Variants in UNC13C observed in about 807,000 individuals in gnomAD.
UNC13C encodes protein unc-13 homolog C.
In UNC13C, 174 loss-of-function variants were observed where a neutral mutation model predicts 245.4. That is an observed-to-expected ratio of 0.71 (90% CI 0.63 to 0.80). The LOEUF is 0.80. Ranked by LOEUF, UNC13C falls within the 30% of genes least tolerant of loss-of-function variation. UNC13C has a pLI of 0.00. For missense variants in UNC13C, 2,829 were observed against 2,602.9 expected (o/e 1.09, Z -1.89); for synonymous variants, 992 against 895.1 (o/e 1.11, Z -1.93).
chr15:54,175,268 G>T (rs2033567413), intron 4 of UNC13C, among the ~76,000 whole-genome samples: 1 of 152,022 alleles, frequency 6.6e-6, no homozygotes. Flanking sequence ...TACCCAGACC[G>T]ATGTTTGATA....
the UNC13C span, among the ~76,000 whole-genome samples, chr15:53,858,194 A>G: frequency 1.3e-5 from 2 of 152,184 alleles, no homozygotes; most frequent in South Asian, 4.1e-4. Context: ...CTAGCATTCC[A>G]TCAATTGGAA....
intron 2 of UNC13C, among the ~76,000 whole-genome samples, chr15:54,017,111 C>T (rs1325368532): frequency 6.6e-6 from 1 of 152,096 alleles, no homozygotes; most frequent in Non-Finnish European, 1.5e-5. Context: ...TAGGGTTTGC[C>T]ACTCTAAAAA....
chr15:54,442,660 G>A (rs1469451256), intron 19 of UNC13C, among the ~76,000 whole-genome samples: 1 of 152,018 alleles, frequency 6.6e-6, no homozygotes, highest in Non-Finnish European at 1.5e-5. Context: ...ATGAAAGGAT[G>A]CTTTTTCTAC....
At chr15:54,260,728 CTT>C (rs2036402790) in intron 8 of UNC13C, among the ~76,000 whole-genome samples, 1 of 147,822 alleles carries the variant, frequency 6.8e-6, no homozygotes, top group Non-Finnish European at 1.5e-5. Context: ...ATATATATAA[CTT>C]TATATATGTT....
intron 30 of UNC13C, among the ~76,000 whole-genome samples, chr15:54,581,123 G>A (rs1452908387): frequency 3.9e-5 from 6 of 152,184 alleles, no homozygotes; most frequent in Non-Finnish European, 8.8e-5. Context: ...AAAGAGTAGA[G>A]GCTTTCAGAA....
At chr15:53,934,301 T>C in the UNC13C span, among the ~76,000 whole-genome samples, 1 of 152,196 alleles carries the variant, frequency 6.6e-6, no homozygotes, top group Non-Finnish European at 1.5e-5. Context: ...ATCCAAACTA[T>C]ATCAAACACT....
chr15:54,497,778 A>G (rs2141093925), intron 20 of UNC13C, among the ~76,000 whole-genome samples: 1 of 152,252 alleles, frequency 6.6e-6, no homozygotes, highest in East Asian at 1.9e-4. Flanking sequence ...CTTTTTATAA[A>G]TGGAATCATA....
chr15:54,153,987 T>G (rs943841014), intron 4 of UNC13C, among the ~76,000 whole-genome samples: 2 of 152,070 alleles, frequency 1.3e-5, no homozygotes, highest in Non-Finnish European at 2.9e-5. Flanking sequence ...CATGTAATAA[T>G]TAAACCAGGG....
In UNC13C at chr15:54,628,395, A is replaced by T. The variant is rs964764090; in HGVS notation, c.*1282A>T. 2 of 134,752 alleles carry T rather than the reference A, an allele frequency of 1.5e-5. No homozygotes were observed. The highest frequency in any genetic ancestry group is 7.7e-5 in the Admixed American group (1 of 12,928). 8.3% of individuals were successfully genotyped at this position (134,752 alleles called of 1,614,324 possible). On this transcript the variant is annotated 3_prime_UTR_variant, in exon 33 of 33. Coordinates refer to ENST00000260323, the MANE Select transcript of UNC13C (RefSeq NM_001080534.3). The stretch of plus-strand genomic sequence containing the variant: ...CCTGTTATGATTGTGCTTTGTGAAC[A>T]AGCTGATCTAATACGTTAAGTACAG...
At chr15:54,144,649 TTC>T (rs1475592262) in intron 4 of UNC13C, among the ~76,000 whole-genome samples, 2 of 152,310 alleles carry the variant, frequency 1.3e-5, no homozygotes, top group Admixed American at 1.3e-4. Flanking sequence ...ACTTGCCGTT[TTC>T]TCTTTTTCCA....
Position 54,014,643 on chromosome 15 carries a change from A to G in UNC13C, c.1740A>G (p.Ser580=). 6.2e-7 allele frequency: 1 copy of G among 1,613,750 alleles called. No homozygotes were observed. The highest frequency in any genetic ancestry group is 8.5e-7 in the Non-Finnish European group (1 of 1,179,802). The part of the protein sequence containing the change: ...FTRTNGSSLL[S]SSDRELWQRK... ...GAACTAATGGAAGCTCTCTCCTGTC[A>G]TCTTCGGACCGGGAGCTATGGCAGA... The change falls in exon 2 of 33, where the codon TCA becomes TCG. Residue 580 remains serine, a synonymous_variant. Coordinates refer to ENST00000260323, the MANE Select transcript of UNC13C (RefSeq NM_001080534.3).
At chr15:54,537,928 A>T (rs1204432868) in intron 26 of UNC13C, among the ~76,000 whole-genome samples, 1 of 151,858 alleles carries the variant, frequency 6.6e-6, no homozygotes, top group Non-Finnish European at 1.5e-5. Flanking sequence ...AGGCCCTGGC[A>T]GTTTTTATGA....
chr15:54,137,312 CT>C (rs765661862), intron 2 of UNC13C, among the ~76,000 whole-genome samples: 9 of 152,094 alleles, frequency 5.9e-5, no homozygotes, highest in Admixed American at 1.3e-4. Context: ...CTGTAATTTT[CT>C]TGTAGAATCC....
intron 26 of UNC13C, among the ~76,000 whole-genome samples, chr15:54,544,071 G>A (rs1896369463): frequency 6.6e-6 from 1 of 152,108 alleles, no homozygotes; most frequent in Non-Finnish European, 1.5e-5. Context: ...ACCAAATCCA[G>A]CAGCACATCA....
intron 31 of UNC13C, among the ~76,000 whole-genome samples, chr15:54,623,169 T>C (rs1900904988): frequency 6.6e-6 from 1 of 152,044 alleles, no homozygotes; most frequent in Non-Finnish European, 1.5e-5. Context: ...AGCAAAGATA[T>C]TTACACATGA....
intron 4 of UNC13C, among the ~76,000 whole-genome samples, chr15:54,157,374 T>C (rs909285966): frequency 3.9e-5 from 6 of 152,224 alleles, no homozygotes; most frequent in Admixed American, 3.3e-4. Context: ...TGGATTATAC[T>C]CATAATCACA....
intron 19 of UNC13C, among the ~76,000 whole-genome samples, chr15:54,476,938 G>A (rs577508660): frequency 3.2e-3 from 479 of 148,412 alleles, no homozygotes; most frequent in Non-Finnish European, 5.5e-3. Flanking sequence ...TCCTACCCAT[G>A]AGCATGGAAT....
chr15:54,320,598 T>C (rs1420496545), intron 13 of UNC13C: 1 of 197,038 alleles, frequency 5.1e-6, no homozygotes, highest in Non-Finnish European at 1.0e-5. Flanking sequence ...AAAACACATC[T>C]TCTTTGACAG....
At chr15:54,215,759 A>G (rs573422431) in intron 4 of UNC13C, among the ~76,000 whole-genome samples, 2 of 152,086 alleles carry the variant, frequency 1.3e-5, no homozygotes, top group Admixed American at 1.3e-4. Flanking sequence ...TAAGAAGCCC[A>G]TTAAGGAATC....
Sources: gnomAD v4.1 joint callset for allele counts (sites outside exome capture counted in the v4.1 genomes callset) on GRCh38, gnomAD v4.1.1 for gene constraint, MANE v1.5 for transcripts, NCBI Gene and HGNC (gene_info 2026-07-23, HGNC 2026-07-21) for gene names.